MYO3B: variants seen among roughly 807,000 people sequenced by gnomAD.
MYO3B encodes myosin-IIIb.
Under a neutral mutation model 174.6 loss-of-function variants are expected in MYO3B, and 156 were observed. The observed-to-expected ratio is 0.89, with a 90% CI of 0.78 to 1.02. MYO3B has a LOEUF of 1.02. Ranked by LOEUF, MYO3B falls within the 50% of genes least tolerant of loss-of-function variation. The pLI, the probability that MYO3B is intolerant of heterozygous loss-of-function variation, is 0.00. For missense variants in MYO3B, 1,632 were observed against 1,639.4 expected (o/e 1.00, Z 0.08); for synonymous variants, 563 against 569.1 (o/e 0.99, Z 0.15).
At chr2:170,373,055 A>G (rs573000682) in intron 9 of MYO3B, among the ~76,000 whole-genome samples, 2 of 152,234 alleles carry the variant, frequency 1.3e-5, no homozygotes, top group Non-Finnish European at 2.9e-5. Context: ...AGTTCCAGAA[A>G]GTTGTTCTGA....
rs1698706188 is a variant in MYO3B at position 170,649,144 on chromosome 2, T to C, written c.3734-2484T>C. 4.2e-5 allele frequency among the ~76,000 whole-genome samples: 3 copies of C among 71,010 alleles called. No individual in the cohort carries two copies. The South Asian group carries it at 1.3e-3, about 31-fold the overall frequency. The allele number at this position is 71,010 out of a possible 152,430, so 46.6% of individuals were successfully genotyped here. A position where few individuals can be genotyped will look rare whatever the true frequency, so the allele number is the denominator to read the frequency against. ...ATAATGTATATAAAATAATATATAA[T>C]ATATTATATATAAAATAATATATAA... is the stretch of plus-strand genomic sequence containing the variant. On this transcript the variant is annotated intron_variant, in intron 32 of 34. Transcript: ENST00000408978.
At chr2:170,407,676 T>C in intron 21 of MYO3B, 39 bp from the exon 22 acceptor site, 1 of 1,607,290 alleles carries the variant, frequency 6.2e-7, no homozygotes, top group Middle Eastern at 1.7e-4. Flanking sequence ...TGACGGACAG[T>C]TGACTTGGCT....
chr2:170,198,226 T>C (rs75073003), intron 1 of MYO3B, among the ~76,000 whole-genome samples: 378 of 152,244 alleles, frequency 2.5e-3, no homozygotes, highest in African/African-American at 8.8e-3. Flanking sequence ...TTTACACTAT[T>C]CTTCATTTTC....
At chr2:170,294,859 G>T (rs1393914254) in intron 7 of MYO3B, among the ~76,000 whole-genome samples, 1 of 152,048 alleles carries the variant, frequency 6.6e-6, no homozygotes, top group African/African-American at 2.4e-5. Context: ...GAGAATGGGG[G>T]AAGGCTATGC....
intron 3 of MYO3B, among the ~76,000 whole-genome samples, chr2:170,204,174 C>T (rs1002550002): frequency 6.6e-6 from 1 of 152,156 alleles, no homozygotes; most frequent in Non-Finnish European, 1.5e-5. Context: ...CATGATTCGT[C>T]CAACACCAGA....
chr2:170,419,556 G>A (rs1349937065), intron 22 of MYO3B, among the ~76,000 whole-genome samples: 2 of 152,232 alleles, frequency 1.3e-5, no homozygotes, highest in Non-Finnish European at 2.9e-5. Flanking sequence ...GAATTATGGA[G>A]AAGAAACAAC....
chr2:170,487,392 T>G (rs1686136373), intron 25 of MYO3B, among the ~76,000 whole-genome samples: 1 of 152,216 alleles, frequency 6.6e-6, no homozygotes, highest in Non-Finnish European at 1.5e-5. Context: ...GCAGGGAAAT[T>G]GTGTGCTTTG....
intron 22 of MYO3B, among the ~76,000 whole-genome samples, chr2:170,435,743 T>A (rs1223141524): frequency 6.6e-6 from 1 of 152,240 alleles, no homozygotes; most frequent in African/African-American, 2.4e-5. Flanking sequence ...GCCTATTTCT[T>A]GTGTTTGGAG....
chr2:170,558,275 T>TG (rs201187569), intron 32 of MYO3B, among the ~76,000 whole-genome samples: 2,558 of 151,074 alleles, frequency 0.017, 69 homozygotes, highest in East Asian at 0.088. Flanking sequence ...TACTCCAGCC[T>TG]GGTACAGACA....
chr2:170,358,211 C>T (rs766853122), intron 8 of MYO3B, among the ~76,000 whole-genome samples: 6 of 150,894 alleles, frequency 4.0e-5, no homozygotes, highest in Non-Finnish European at 7.4e-5. Context: ...AACTGATAGA[C>T]GGATCAACAA....
chr2:170,426,974 C>G (rs1011477631), intron 22 of MYO3B, among the ~76,000 whole-genome samples: 1 of 151,614 alleles, frequency 6.6e-6, no homozygotes, highest in East Asian at 1.9e-4. Flanking sequence ...GCCGAGATTG[C>G]GCCATTGCAC....
At chr2:170,479,209 G>A (rs185644192) in intron 25 of MYO3B, among the ~76,000 whole-genome samples, 2,576 of 150,236 alleles carry the variant, frequency 0.017, 65 homozygotes, top group East Asian at 0.087. Context: ...GCTTGAACCC[G>A]GGAAGCGGAG....
At chr2:170,582,789 G>A (rs1325079743) in intron 32 of MYO3B, among the ~76,000 whole-genome samples, 2 of 152,134 alleles carry the variant, frequency 1.3e-5, no homozygotes, top group Non-Finnish European at 2.9e-5. Flanking sequence ...GAAAAAAATC[G>A]TCATTGTGGT....
rs368030193 is a variant in MYO3B, at chr2:170,652,123, C to T, written c.3856C>T (p.Gln1286Ter). Residue 1286 changes from glutamine to a stop codon, truncating the protein, a stop_gained, in exon 34 of 35, where the codon CAA becomes TAA. Coordinates refer to ENST00000408978, the MANE Select transcript of MYO3B (RefSeq NM_138995.5). LOFTEE classifies it high-confidence loss of function. ...CTCTCCACAGGGAACTCTAGAATAT[C>T]AAGGGAGCAAGAGGAAGCCAAGAAA... is the stretch of plus-strand genomic sequence containing the variant. ...YNQLNGTLEY[Q>*]GSKRKPRKLG... The T allele has an allele frequency of 1.2e-6, 2 of 1,613,876 alleles. No individual in the cohort carries two copies. The highest frequency in any genetic ancestry group is 2.7e-5 in the African/African-American group (2 of 74,902).
At chr2:170,630,785 C>G (rs1303184614) in intron 32 of MYO3B, among the ~76,000 whole-genome samples, 1 of 152,230 alleles carries the variant, frequency 6.6e-6, no homozygotes, top group Non-Finnish European at 1.5e-5. Context: ...GGACCTCCAA[C>G]AAACTCCAAC....
chr2:170,303,774 T>C lies in MYO3B; in HGVS notation c.750-31611T>C, dbSNP rs559955801. ...TCTCTTTTCTGGAATATGTATCTAT[T>C]CGTGTGTTTATGCATACATGTTTTT... is the stretch of plus-strand genomic sequence containing the variant. On this transcript the variant is annotated intron_variant, in intron 7 of 34. Transcript: ENST00000408978. Among the ~76,000 whole-genome samples the C allele has an allele frequency of 6.6e-5, 10 of 152,288 alleles. No individual in the cohort carries two copies. The East Asian group carries it at 1.9e-3, about 29-fold the overall frequency.
chr2:170,588,279 G>T (rs970286319), intron 32 of MYO3B, among the ~76,000 whole-genome samples: 4 of 148,984 alleles, frequency 2.7e-5, no homozygotes, highest in Admixed American at 6.7e-5. Context: ...ACAAAAAAAA[G>T]AAAAAAAAAA....
Position 170,529,231 on chromosome 2 carries a change from G to A in MYO3B, c.3575+9691G>A, listed in dbSNP as rs535422720. Among the ~76,000 whole-genome samples, 16 of 152,178 alleles carry A rather than the reference G, an allele frequency of 1.1e-4. No homozygotes were observed. In the South Asian group the frequency reaches 2.7e-3, roughly 26 times the overall value. ...TTAGAGGTCGGGAGGAGGAGGAGGA[G>A]CAGAGAAAATGATTATTGGGTATTA... On this transcript the variant is annotated intron_variant, in intron 30 of 34. Coordinates refer to ENST00000408978, the MANE Select transcript of MYO3B (RefSeq NM_138995.5).
At chr2:170,416,895 G>A (rs931853209) in intron 22 of MYO3B, among the ~76,000 whole-genome samples, 2 of 145,794 alleles carry the variant, frequency 1.4e-5, no homozygotes, top group African/African-American at 5.1e-5. Context: ...CCGCGATCTC[G>A]GCTCACTGCA....
Sources: gnomAD v4.1 joint callset for allele counts (sites outside exome capture counted in the v4.1 genomes callset) on GRCh38, gnomAD v4.1.1 for gene constraint, MANE v1.5 for transcripts, NCBI Gene and HGNC (gene_info 2026-07-23, HGNC 2026-07-21) for gene names.